The following MICAL1 variants were observed in gnomAD, a reference collection of about 807,000 sequenced individuals.
MICAL1 encodes [F-actin]-monooxygenase MICAL1.
Under a neutral mutation model 131.8 loss-of-function variants are expected in MICAL1, and 95 were observed. The observed-to-expected ratio is 0.72, with a 90% confidence interval of 0.61 to 0.86. The LOEUF (loss-of-function observed/expected upper bound fraction) is 0.86, where lower values mean the gene tolerates loss of function less well. Among genes scored for constraint, MICAL1 ranks in the 40% least tolerant of loss-of-function variants. The probability of loss-of-function intolerance (pLI) is 0.00; values close to 1 mark genes in which losing one functional copy is unlikely to be tolerated. For synonymous variants in MICAL1, 546 were observed against 554.2 expected (o/e 0.99, Z 0.21); for missense variants, 1,292 against 1,380.6 (o/e 0.94, Z 1.02).
At chr6:109,465,715 C>T in exon 1 of MICAL1, 1 of 1,607,394 alleles carries the variant, frequency 6.2e-7, no homozygotes, top group Non-Finnish European at 8.5e-7. Flanking sequence ...GCATTATAAA[C>T]ATCAGTTAGC....
Position 109,444,123 on chromosome 6 carries a change from C to T in MICAL1, c.*68G>A. 6.4e-7 allele frequency: 1 copy of T among 1,556,546 alleles called. No homozygotes were observed. Among genetic ancestry groups the T allele is most frequent in the Non-Finnish European group, 8.6e-7 (1 of 1,157,896 alleles). On this transcript the variant is annotated 3_prime_UTR_variant, in exon 25 of 25. Transcript: ENST00000358807. Reference sequence around the variant, plus strand: ...CTCTCTGCCAGGCAGCCCAGATGAACAGGGGTGGCACTGTGCTGGGGTGAG... The same window carrying T: ...CTCTCTGCCAGGCAGCCCAGATGAATAGGGGTGGCACTGTGCTGGGGTGAG...
At chr6:109,450,647 C>T in intron 7 of MICAL1, 90 bp from the exon 8 acceptor site, 1 of 1,426,184 alleles carries the variant, frequency 7.0e-7, no homozygotes. Flanking sequence ...AGGTGCACAT[C>T]CTGGGGCCCA....
In MICAL1 at chr6:109,453,934, TC is replaced by T. The variant is rs1464185342; in HGVS notation, c.258+4del. ...CACACCCCATCCCAGGCACCGTGTATCCACCTTGGTGCTGGTGCAGGCCCGG... is the reference window on the plus strand; with the variant it reads ...CACACCCCATCCCAGGCACCGTGTATCACCTTGGTGCTGGTGCAGGCCCGG... On this transcript the variant is annotated splice_donor_region_variant and intron_variant, in intron 2 of 24. Transcript: ENST00000358807. 1 of 1,612,366 alleles carries T rather than the reference TC, an allele frequency of 6.2e-7. No individual in the cohort carries two copies. The highest frequency in any genetic ancestry group is 1.3e-5 in the African/African-American group (1 of 75,018).
rs1173620953 is a variant in MICAL1, at chr6:109,450,001, C to T, written c.1276G>A (p.Gly426Ser). The change falls in exon 9 of 25, where the codon GGC (glycine) becomes AGC (serine). Residue 426 changes from glycine to serine, a missense_variant. Transcript: ENST00000358807. ...GCCAACACCTCTAGGGACTCAGCGC[C>T]CTCTGCCCACCGCTTCACCATCCAG... ...AAWMVKRWAE[G>S]AESLEVLAER... is the part of the protein sequence containing the mutation. The T allele has an allele frequency of 6.2e-7, 1 of 1,614,094 alleles. No homozygotes were observed.
Position 109,452,630 on chromosome 6 carries a change from A to T in MICAL1, c.572-15T>A. 6.2e-7 allele frequency: 1 copy of T among 1,605,128 alleles called. No individual in the cohort carries two copies. The highest frequency in any genetic ancestry group is 8.5e-7 in the Non-Finnish European group (1 of 1,174,320). ...CCAGCCACTCCCTAGGGCAGGGGGT[A>T]TGAGAGGCACAAAGGTGTAGAAGTC... On this transcript the variant is annotated splice_polypyrimidine_tract_variant and intron_variant, in intron 4 of 24. Transcript: ENST00000358807.
intron 1 of MICAL1, chr6:109,464,193 A>C (rs1054810843): frequency 1.3e-5 from 2 of 152,210 alleles, no homozygotes; most frequent in African/African-American, 4.8e-5. Flanking sequence ...GCCTGATTTA[A>C]CATTAGTTTG....
chr6:109,450,178 C>T (rs2115333594), intron 8 of MICAL1, 93 bp from the exon 9 acceptor site: 1 of 1,558,554 alleles, frequency 6.4e-7, no homozygotes. Context: ...CAGAAGGGGC[C>T]ATCCCCACAC....
rs1351957843 is a variant in MICAL1 at position 109,449,660 on chromosome 6, A to C, written c.1431T>G (p.Asn477Lys). The C allele has an allele frequency of 2.5e-6, 4 of 1,581,904 alleles. No individual in the cohort carries two copies. Among genetic ancestry groups the C allele is most frequent in the Non-Finnish European group, 3.4e-6 (4 of 1,164,142 alleles). ...GTGGGTGTGTCGGGGGTCTGACCTGATTGGGGGTCACTGCCCGGAGGTTCA... is the reference window on the plus strand; with the variant it reads ...GTGGGTGTGTCGGGGGTCTGACCTGCTTGGGGGTCACTGCCCGGAGGTTCA... ...PNLNLRAVTP[N>K]QVRDLYDVLA... The change falls in exon 10 of 25, where the codon AAT becomes AAG. Residue 477 changes from asparagine (N) to lysine (K), a missense_variant. Asn to Lys is a moderately conservative substitution (Grantham distance 94). Coordinates refer to ENST00000358807, the MANE Select transcript of MICAL1 (RefSeq NM_022765.4).
At chr6:109,459,099 T>C (rs981971223), upstream of MICAL1, among the ~76,000 whole-genome samples, 133 of 152,216 alleles carry the variant, frequency 8.7e-4, no homozygotes, top group Non-Finnish European at 3.2e-4. Flanking sequence ...AGGAACCACG[T>C]GACGAAATGA....
At position 109,445,275 on chromosome 6, in the gene MICAL1, G is replaced by A. The variant is rs1441709732; in HGVS notation, c.2803C>T (p.Leu935=). Residue 935 remains leucine, a synonymous_variant, in exon 22 of 25, where the codon CTA becomes TTA. Transcript: ENST00000358807. The part of the protein sequence containing the change: ...FCKAQTIQRR[L]NEIEAALREL... The stretch of plus-strand genomic sequence containing the variant: ...CTCAAGGCAGCCTCAATCTCATTTA[G>A]TCGCCGTTGGATGGTCTGAGGGGTA... The A allele has an allele frequency of 6.2e-7, 1 of 1,614,108 alleles. No individual in the cohort carries two copies. Among genetic ancestry groups the A allele is most frequent in the Admixed American group, 1.7e-5 (1 of 60,030 alleles).
rs902065653 is a variant in MICAL1, at chr6:109,446,717, G to A, written c.2283C>T (p.Ser761=). The change falls in exon 18 of 25, where the codon AGC becomes AGT. Residue 761 remains serine, a synonymous_variant. Transcript: ENST00000358807. The stretch of plus-strand genomic sequence containing the variant: ...TTACCGGACTCTCAGGGCCTCTATC[G>A]CTGCCTTCCGCTTTGTGGTCTGTCT... ...LPQTDHKAEG[S]DRGPESPELP... The A allele has an allele frequency of 8.7e-6, 14 of 1,613,580 alleles. No individual in the cohort carries two copies. The African/African-American group carries it at 1.1e-4, about 12-fold the overall frequency.
rs1775347075 is a variant in MICAL1, at chr6:109,448,450, G to A, written c.1665-57C>T. 3 of 1,587,358 alleles carry A rather than the reference G, an allele frequency of 1.9e-6. No homozygotes were observed. The South Asian group carries it at 3.3e-5, about 18-fold the overall frequency. ...AGACAAGAACCTAGCCCCACTGAGG[G>A]GAGGAAGGGCAGCAGGAGGGGAGGG... On this transcript the variant is annotated intron_variant, in intron 12 of 24. Coordinates refer to ENST00000358807, the MANE Select transcript of MICAL1 (RefSeq NM_022765.4).
At chr6:109,452,663 C>A in intron 4 of MICAL1, 48 bp from the exon 5 acceptor site, 1 of 1,427,646 alleles carries the variant, frequency 7.0e-7, no homozygotes, top group Non-Finnish European at 9.7e-7. Context: ...GTCGTAAGAG[C>A]CCCTATACTC....
intron 6 of MICAL1, chr6:109,451,967 C>T: frequency 2.2e-6 from 3 of 1,387,492 alleles, no homozygotes; most frequent in Non-Finnish European, 9.3e-7. Flanking sequence ...CAGTGCAAAA[C>T]CAAAGTAAAC....
chr6:109,453,915 C>A (rs1775643881), intron 2 of MICAL1, 24 bp downstream of exon 2: 3 of 1,611,358 alleles, frequency 1.9e-6, no homozygotes, highest in Admixed American at 3.3e-5. Flanking sequence ...GCTCCACACC[C>A]CATCCCAGGC....
At chr6:109,447,297 T>C (rs1775271991) in intron 16 of MICAL1, 60 bp downstream of exon 16, 7 of 1,613,910 alleles carry the variant, frequency 4.3e-6, no homozygotes, top group African/African-American at 2.7e-5. Flanking sequence ...TTCCCTCCCA[T>C]GAAACGCCCC....
At chr6:109,450,118 G>A (rs1775476039) in intron 8 of MICAL1, 33 bp from the exon 9 acceptor site, 1 of 1,603,670 alleles carries the variant, frequency 6.2e-7, no homozygotes, top group South Asian at 1.1e-5. Context: ...AGCAGCTCAG[G>A]GAGAATCCAA....
At chr6:109,446,483 C>G (rs747789758) in intron 18 of MICAL1, 71 bp from the exon 19 acceptor site, 1 of 1,556,612 alleles carries the variant, frequency 6.4e-7, no homozygotes, top group South Asian at 1.1e-5. Context: ...TGAGCCTTGG[C>G]ATTCATTCAC....
At chr6:109,446,936 A>G in intron 17 of MICAL1, 137 bp downstream of exon 17, 2 of 1,263,482 alleles carry the variant, frequency 1.6e-6, no homozygotes, top group Non-Finnish European at 2.2e-6. Flanking sequence ...TGCAGGGGAC[A>G]GAGAAGACCC....
Sources: allele counts gnomAD v4.1 joint callset (sites outside exome capture counted in the v4.1 genomes callset), GRCh38; gene constraint gnomAD v4.1.1; transcripts MANE v1.5; gene names NCBI Gene and HGNC (gene_info 2026-07-23, HGNC 2026-07-21).